The following FLT1 variants were observed in gnomAD, a reference collection of about 807,000 sequenced individuals.
The protein encoded by FLT1 is vascular endothelial growth factor receptor 1.
Under a neutral mutation model 156.3 loss-of-function variants are expected in FLT1, and 49 were observed. That is an observed-to-expected ratio of 0.31 (90% CI 0.25 to 0.40). The LOEUF (loss-of-function observed/expected upper bound fraction) is 0.40, where lower values mean the gene tolerates loss of function less well. FLT1 is among the 10% of genes least tolerant of loss of function. The pLI, the probability that FLT1 is intolerant of heterozygous loss-of-function variation, is 1.00. For synonymous variants in FLT1, 594 were observed against 583.8 expected (o/e 1.02, Z -0.25); for missense variants, 1,322 against 1,637.2 (o/e 0.81, Z 3.32).
At chr13:28,380,661 A>C (rs934636443) in intron 14 of FLT1, among the ~76,000 whole-genome samples, 4 of 151,752 alleles carry the variant, frequency 2.6e-5, no homozygotes, top group Non-Finnish European at 5.9e-5. Flanking sequence ...TGGCCCTCAG[A>C]AGATCAGAGA....
intron 1 of FLT1, among the ~76,000 whole-genome samples, chr13:28,479,671 G>A (rs150469405): frequency 2.0e-5 from 3 of 152,134 alleles, no homozygotes; most frequent in East Asian, 1.9e-4. Context: ...CACTCATTTC[G>A]GCATGTGATA....
At chr13:28,368,825 C>T (rs1873423557) in intron 14 of FLT1, among the ~76,000 whole-genome samples, 1 of 151,850 alleles carries the variant, frequency 6.6e-6, no homozygotes, top group South Asian at 2.1e-4. Flanking sequence ...CTGCCTCAGC[C>T]TCCTGAGTAG....
At position 28,301,671 on chromosome 13, in the gene FLT1, C is replaced by T; in HGVS notation, c.*1496G>A. On this transcript the variant is annotated 3_prime_UTR_variant, in exon 30 of 30. Coordinates refer to ENST00000282397, the MANE Select transcript of FLT1 (RefSeq NM_002019.4). ...GACATCATAAATACATAGACCCTAACTTGCATAAATAGCATCAAACAGAGC... is the reference window on the plus strand; with the variant it reads ...GACATCATAAATACATAGACCCTAATTTGCATAAATAGCATCAAACAGAGC... 4.3e-6 allele frequency: 1 copy of T among 233,294 alleles called. No individual in the cohort carries two copies. Among genetic ancestry groups the T allele is most frequent in the African/African-American group, 2.2e-5 (1 of 45,454 alleles). 14.5% of individuals were successfully genotyped at this position (233,294 alleles called of 1,614,324 possible). A position where few individuals can be genotyped will look rare whatever the true frequency, so the allele number is the denominator to read the frequency against.
rs4769601 is a variant in FLT1, at chr13:28,484,944, G to T, written c.64+9836C>A. ...TAACTCCTGTTGTGGTGTGGGGGGA[G>T]GGGGGAGGGATAGCATTAGGAGATA... On this transcript the variant is annotated intron_variant, in intron 1 of 29. Coordinates refer to ENST00000282397, the MANE Select transcript of FLT1 (RefSeq NM_002019.4). Among the ~76,000 whole-genome samples the T allele has an allele frequency of 2.3e-5, 3 of 131,346 alleles. No homozygotes were observed. The Admixed American group carries it at 2.4e-4, about 11-fold the overall frequency. The allele number at this position is 131,346 out of a possible 152,430, so 86.2% of individuals were successfully genotyped here.
chr13:28,449,062 T>C (rs4769600), intron 3 of FLT1, among the ~76,000 whole-genome samples: 115,184 of 152,138 alleles, frequency 0.76, 43,779 homozygotes, highest in Non-Finnish European at 0.78. Context: ...AGAAGCATTG[T>C]TTGAGGCTAG....
At chr13:28,436,600 G>T (rs372450693) in intron 4 of FLT1, among the ~76,000 whole-genome samples, 32 of 152,146 alleles carry the variant, frequency 2.1e-4, no homozygotes, top group African/African-American at 7.5e-4. Context: ...GCGCTCCCAT[G>T]AAAGAGAACG....
intron 18 of FLT1, among the ~76,000 whole-genome samples, chr13:28,332,496 T>G: frequency 6.6e-6 from 1 of 152,242 alleles, no homozygotes; most frequent in East Asian, 1.9e-4. Context: ...TATCTCTAGG[T>G]TGGATACTGG....
intron 26 of FLT1, 48 bp from the exon 27 acceptor site, chr13:28,311,780 C>G: frequency 1.3e-6 from 2 of 1,599,748 alleles, no homozygotes; most frequent in Non-Finnish European, 1.7e-6. Context: ...CTGACTTCAA[C>G]AATTTCTATG....
intron 1 of FLT1, among the ~76,000 whole-genome samples, chr13:28,471,701 T>G (rs1428613569): frequency 1.3e-5 from 2 of 152,186 alleles, no homozygotes; most frequent in African/African-American, 4.8e-5. Flanking sequence ...AATTTAGCAA[T>G]GAATCTCAGA....
At chr13:28,475,510 C>G (rs1380472450) in intron 1 of FLT1, among the ~76,000 whole-genome samples, 1 of 152,042 alleles carries the variant, frequency 6.6e-6, no homozygotes, top group East Asian at 1.9e-4. Context: ...AAGCATAATT[C>G]ACAATAAGAG....
At chr13:28,357,064 G>A (rs193151711) in intron 15 of FLT1, among the ~76,000 whole-genome samples, 82 of 152,244 alleles carry the variant, frequency 5.4e-4, no homozygotes, top group Non-Finnish European at 9.6e-4. Context: ...ATATATTACA[G>A]CCCACTTCAT....
chr13:28,468,788 GCAA>G (rs1566046755), intron 1 of FLT1, among the ~76,000 whole-genome samples: 1 of 152,176 alleles, frequency 6.6e-6, no homozygotes, highest in Non-Finnish European at 1.5e-5. Flanking sequence ...TCACTGGAAG[GCAA>G]GCAGATGCTA....
rs9513079 is a variant in FLT1 at position 28,329,440 on chromosome 13, A to T, written c.2707+175T>A. Among the ~76,000 whole-genome samples, 145 of 152,164 alleles carry T rather than the reference A, an allele frequency of 9.5e-4. 1 individual carries two copies. The highest frequency in any genetic ancestry group is 1.3e-3 in the Non-Finnish European group (91 of 68,026). ...TTTAAATTAACGGCACAGGGAAGGG[A>T]TTTATGGGAGCACCCTTCTGTAGAT... On this transcript the variant is annotated intron_variant, in intron 19 of 29. Transcript: ENST00000282397.
At chr13:28,442,453 C>T (rs1014760352) in intron 3 of FLT1, among the ~76,000 whole-genome samples, 1 of 152,170 alleles carries the variant, frequency 6.6e-6, no homozygotes, top group Non-Finnish European at 1.5e-5. Flanking sequence ...GTTAATTCAA[C>T]ATATCTTTGA....
chr13:28,466,895 A>C lies in FLT1; in HGVS notation c.388+8T>G, dbSNP rs368206342. 3 of 1,555,402 alleles carry C rather than the reference A, an allele frequency of 1.9e-6. No individual in the cohort carries two copies. In the African/African-American group the frequency reaches 4.1e-5, roughly 21 times the overall value. ...AAGCAAACAGAATGTAGAAAATGGA[A>C]GTCTTACCACTAATAAATATATAGA... On this transcript the variant is annotated splice_region_variant and intron_variant, in intron 3 of 29. Transcript: ENST00000282397.
Position 28,319,426 on chromosome 13 carries a change from A to G in FLT1, c.3283T>C (p.Leu1095=). 6.3e-7 allele frequency: 1 copy of G among 1,596,644 alleles called. No individual in the cohort carries two copies. Among genetic ancestry groups the G allele is most frequent in the Non-Finnish European group, 8.6e-7 (1 of 1,164,246 alleles). The part of the protein sequence containing the change: ...YGVLLWEIFS[L]GGSPYPGVQM... ...TTCTTCCTTCTCCCAAATTTACCTA[A>G]GGAGAAGATTTCCCACAGCAATACT... Residue 1095 remains leucine, a synonymous_variant, in exon 24 of 30, where the codon TTA becomes CTA. Coordinates refer to ENST00000282397, the MANE Select transcript of FLT1 (RefSeq NM_002019.4).
intron 23 of FLT1, 111 bp from the exon 24 acceptor site, chr13:28,319,645 C>T (rs544147689): frequency 1.2e-4 from 85 of 706,334 alleles, no homozygotes; most frequent in African/African-American, 6.5e-4. Flanking sequence ...AAATCATTTC[C>T]GAGAGCAGCT....
intron 14 of FLT1, among the ~76,000 whole-genome samples, chr13:28,363,022 G>A (rs568445042): frequency 2.4e-4 from 36 of 152,106 alleles, no homozygotes; most frequent in African/African-American, 8.0e-4. Flanking sequence ...CCCTTCTTAC[G>A]AAAATAAGCA....
intron 10 of FLT1, among the ~76,000 whole-genome samples, chr13:28,421,632 C>T (rs1187562418): frequency 6.6e-6 from 1 of 152,054 alleles, no homozygotes; most frequent in African/African-American, 2.4e-5. Context: ...TTCTGACAGC[C>T]ATTCTACTTT....
Sources: gnomAD v4.1 joint callset for allele counts (sites outside exome capture counted in the v4.1 genomes callset) on GRCh38, gnomAD v4.1.1 for gene constraint, MANE v1.5 for transcripts, NCBI Gene and HGNC (gene_info 2026-07-23, HGNC 2026-07-21) for gene names.